PCSK2: variants seen among roughly 807,000 people sequenced by gnomAD.
PCSK2 encodes proprotein convertase subtilisin/kexin type 2, also known as neuroendocrine convertase 2.
PCSK2 carries 14 observed loss-of-function variants against 69.7 expected under a neutral mutation model. The observed-to-expected ratio is 0.20, with a 90% CI of 0.13 to 0.31. The LOEUF (loss-of-function observed/expected upper bound fraction) is 0.31, where lower values mean the gene tolerates loss of function less well. Ranked by LOEUF, PCSK2 falls within the 10% of genes least tolerant of loss-of-function variation. The pLI is 1.00. For synonymous variants in PCSK2, 307 were observed against 320.7 expected (o/e 0.96, Z 0.46); for missense variants, 544 against 842.5 (o/e 0.65, Z 4.39).
At chr20:17,464,981 C>T (rs2033075083) in intron 10 of PCSK2, 1 of 320,066 alleles carries the variant, frequency 3.1e-6, no homozygotes, top group Non-Finnish European at 6.0e-6. Context: ...GTTGGAATTA[C>T]TTGCACGCTC....
intron 3 of PCSK2, among the ~76,000 whole-genome samples, chr20:17,359,179 AAG>A (rs1259899167): frequency 6.6e-6 from 1 of 152,356 alleles, no homozygotes; most frequent in East Asian, 1.9e-4. Context: ...AGTGATGAAC[AAG>A]AGAGAGAACT....
At chr20:17,264,191 A>G (rs1346198241) in intron 2 of PCSK2, among the ~76,000 whole-genome samples, 3 of 152,232 alleles carry the variant, frequency 2.0e-5, no homozygotes, top group Non-Finnish European at 4.4e-5. Context: ...AGGACTCATA[A>G]TTCTATGAGT....
At chr20:17,330,932 C>T (rs926492) in intron 2 of PCSK2, among the ~76,000 whole-genome samples, 107,290 of 152,052 alleles carry the variant, frequency 0.71, 38,137 homozygotes, top group East Asian at 0.91. Flanking sequence ...TCTTTCTTCA[C>T]TCATGAAGGG....
intron 5 of PCSK2, among the ~76,000 whole-genome samples, chr20:17,370,340 T>C (rs1323106735): frequency 6.6e-6 from 1 of 152,132 alleles, no homozygotes; most frequent in Non-Finnish European, 1.5e-5. Context: ...TGTCTCTACG[T>C]TGCACAAAGA....
At chr20:17,333,996 G>T (rs1990280895) in intron 2 of PCSK2, among the ~76,000 whole-genome samples, 1 of 145,104 alleles carries the variant, frequency 6.9e-6, no homozygotes. Flanking sequence ...CAATTCATCT[G>T]GCCCATTCTC....
intron 2 of PCSK2, among the ~76,000 whole-genome samples, chr20:17,280,713 G>A (rs937345265): frequency 6.6e-6 from 1 of 152,176 alleles, no homozygotes; most frequent in African/African-American, 2.4e-5. Flanking sequence ...TGATAATGAG[G>A]TACACCTAGT....
At chr20:17,379,120 C>G (rs2031015998) in intron 5 of PCSK2, among the ~76,000 whole-genome samples, 1 of 152,188 alleles carries the variant, frequency 6.6e-6, no homozygotes, top group Admixed American at 6.5e-5. Flanking sequence ...TGCCTGTTTC[C>G]CAATCATACT....
In PCSK2 at chr20:17,241,289, T is replaced by C. The variant is rs146185686; in HGVS notation, c.177+13807T>C. 2.4e-3 allele frequency among the ~76,000 whole-genome samples: 372 copies of C among 152,268 alleles called. 2 individuals are homozygous for C. The highest frequency in any genetic ancestry group is 8.8e-3 in the African/African-American group (364 of 41,550). ...GCACGGTTTTTCGGAGGATTGCAAGTAGTTTTGTCTGTCTAGATGACAAGA... is the reference window on the plus strand; with the variant it reads ...GCACGGTTTTTCGGAGGATTGCAAGCAGTTTTGTCTGTCTAGATGACAAGA... On this transcript the variant is annotated intron_variant, in intron 1 of 11. Transcript: ENST00000262545.
intron 5 of PCSK2, among the ~76,000 whole-genome samples, chr20:17,391,906 G>GGAAGGAAGGA (rs1282817841): frequency 1.0e-5 from 1 of 99,964 alleles, no homozygotes; most frequent in Non-Finnish European, 2.0e-5. Context: ...GAAAGAGAGA[G>GGAAGGAAGGA]AGGAAGGAAG....
At chr20:17,299,895 T>C (rs75950683) in intron 2 of PCSK2, among the ~76,000 whole-genome samples, 1 of 152,226 alleles carries the variant, frequency 6.6e-6, no homozygotes, top group Non-Finnish European at 1.5e-5. Context: ...TCCCTTGCTA[T>C]ATGTCTATTT....
chr20:17,278,861 T>C (rs1424961601), intron 2 of PCSK2, among the ~76,000 whole-genome samples: 1 of 151,702 alleles, frequency 6.6e-6, no homozygotes. Flanking sequence ...TTTTTTTTTT[T>C]AACTTGCTCA....
chr20:17,298,820 C>CTT, intron 2 of PCSK2, among the ~76,000 whole-genome samples: 1 of 152,234 alleles, frequency 6.6e-6, no homozygotes, highest in South Asian at 2.1e-4. Flanking sequence ...AGCTATTAGT[C>CTT]AGTCATTCCC....
Position 17,481,388 on chromosome 20 carries a change from CAAAAAAAAAAAAAA to C in PCSK2, c.1431-183_1431-170del, listed in dbSNP as rs3076146. Among the ~76,000 whole-genome samples, 100 of 65,722 alleles carry C rather than the reference CAAAAAAAAAAAAAA, an allele frequency of 1.5e-3. 2 individuals carry two copies. The highest frequency in any genetic ancestry group is 2.2e-3 in the Non-Finnish European group (84 of 37,580). The allele number at this position is 65,722 out of a possible 152,430, so 43.1% of individuals were successfully genotyped here. A position where few individuals can be genotyped will look rare whatever the true frequency, so the allele number is the denominator to read the frequency against. On this transcript the variant is annotated intron_variant, in intron 11 of 11. Transcript: ENST00000262545. ...CAGAGTGGGACCCTGTCTCAAAAGA[CAAAAAAAAAAAAAA>C]AAAAAAAAAAAAGAGATAAGTAACT...
intron 2 of PCSK2, among the ~76,000 whole-genome samples, chr20:17,306,689 A>C (rs1211202972): frequency 6.6e-6 from 1 of 152,184 alleles, no homozygotes; most frequent in African/African-American, 2.4e-5. Flanking sequence ...GGGTTAAACC[A>C]CTGGGTTCAC....
intron 5 of PCSK2, among the ~76,000 whole-genome samples, chr20:17,408,067 G>A (rs2031792191): frequency 1.3e-5 from 2 of 152,100 alleles, no homozygotes; most frequent in African/African-American, 4.8e-5. Context: ...CAAAACTTGT[G>A]TGTTATCTTA....
At chr20:17,240,074 G>A (rs149519713) in intron 1 of PCSK2, among the ~76,000 whole-genome samples, 3 of 151,756 alleles carry the variant, frequency 2.0e-5, no homozygotes, top group East Asian at 2.0e-4. Flanking sequence ...GGATGGTCTC[G>A]ATCTCCTGAC....
chr20:17,462,355 A>G (rs2033027652), intron 10 of PCSK2, among the ~76,000 whole-genome samples: 1 of 152,246 alleles, frequency 6.6e-6, no homozygotes, highest in Admixed American at 6.5e-5. Context: ...GTTCTCAAAC[A>G]TCACTGTACA....
chr20:17,302,358 C>A (rs1433857302), intron 2 of PCSK2, among the ~76,000 whole-genome samples: 2 of 152,004 alleles, frequency 1.3e-5, no homozygotes, highest in South Asian at 2.1e-4. Flanking sequence ...TGGTCTGAAC[C>A]ATTTGAAAAC....
At chr20:17,256,542 C>A (rs2122988943) in intron 1 of PCSK2, among the ~76,000 whole-genome samples, 1 of 152,050 alleles carries the variant, frequency 6.6e-6, no homozygotes, top group Non-Finnish European at 1.5e-5. Context: ...TTACCTCTCC[C>A]CAGGTTGTTT....
Sources: allele counts gnomAD v4.1 joint callset (sites outside exome capture counted in the v4.1 genomes callset), GRCh38; gene constraint gnomAD v4.1.1; transcripts MANE v1.5; gene names NCBI Gene and HGNC (gene_info 2026-07-23, HGNC 2026-07-21).